Variants in XPR1 observed in about 807,000 individuals in gnomAD.
XPR1 encodes xenotropic and polytropic retrovirus receptor 1.
A neutral mutation model predicts 87.5 loss-of-function variants in XPR1; 28 were observed. That is an observed-to-expected ratio of 0.32 (90% confidence interval 0.24 to 0.44). XPR1 has a LOEUF of 0.44. Among genes scored for constraint, XPR1 ranks in the 20% least tolerant of loss-of-function variants. The pLI, the probability that XPR1 is intolerant of heterozygous loss-of-function variation, is 1.00. For missense variants in XPR1, 559 were observed against 862.3 expected, an observed-to-expected ratio of 0.65 and a Z score of 4.41; for synonymous variants, 300 against 306.1, an observed-to-expected ratio of 0.98 and a Z score of 0.21.
intron 2 of XPR1, among the ~76,000 whole-genome samples, chr1:180,731,463 T>C (rs1045831590): frequency 6.6e-6 from 1 of 152,202 alleles, no homozygotes; most frequent in African/African-American, 2.4e-5. Context: ...AGGAGGCCTA[T>C]GGTGCTGTGA....
At chr1:180,659,082 T>TCCTTCCTTCCTC (rs1655640396) in intron 1 of XPR1, among the ~76,000 whole-genome samples, 1 of 151,292 alleles carries the variant, frequency 6.6e-6, no homozygotes, top group Non-Finnish European at 1.5e-5. Context: ...CTTCCTTCCT[T>TCCTTCCTTCCTC]CCTTCCTTCC....
intron 1 of XPR1, among the ~76,000 whole-genome samples, chr1:180,662,283 C>T (rs925026702): frequency 8.6e-5 from 13 of 151,998 alleles, no homozygotes; most frequent in Non-Finnish European, 1.5e-5. Flanking sequence ...CTTTTATTTG[C>T]CCTGAAATAA....
chr1:180,710,878 C>T (rs1657750916), intron 2 of XPR1, among the ~76,000 whole-genome samples: 2 of 151,914 alleles, frequency 1.3e-5, no homozygotes, highest in African/African-American at 4.8e-5. Flanking sequence ...GTGGGGGCTG[C>T]CCCCCACCTC....
At chr1:180,792,130 A>C (rs1018753695) in intron 3 of XPR1, among the ~76,000 whole-genome samples, 1 of 152,204 alleles carries the variant, frequency 6.6e-6, no homozygotes, top group Non-Finnish European at 1.5e-5. Flanking sequence ...TCTCCCCAGA[A>C]GATTGTAGAC....
At chr1:180,691,868 T>C (rs1657005666) in intron 2 of XPR1, among the ~76,000 whole-genome samples, 1 of 152,184 alleles carries the variant, frequency 6.6e-6, no homozygotes, top group Non-Finnish European at 1.5e-5. Flanking sequence ...GTGAGCTTGC[T>C]TTTTAATTCT....
intron 2 of XPR1, among the ~76,000 whole-genome samples, chr1:180,775,637 C>A (rs1288715900): frequency 3.3e-5 from 5 of 151,986 alleles, no homozygotes; most frequent in Admixed American, 6.6e-5. Context: ...ATTTACTTAA[C>A]AAAATGACTT....
At chr1:180,855,239 T>C (rs1651990121) in intron 11 of XPR1, among the ~76,000 whole-genome samples, 1 of 152,212 alleles carries the variant, frequency 6.6e-6, no homozygotes, top group South Asian at 2.1e-4. Flanking sequence ...TGAAAGACAG[T>C]ATAAGCACAA....
chr1:180,757,506 C>CTTT (rs35380232), intron 2 of XPR1, among the ~76,000 whole-genome samples: 21 of 134,484 alleles, frequency 1.6e-4, no homozygotes, highest in East Asian at 1.3e-3. Context: ...GTTACTAGGC[C>CTTT]TTTTTTTTTT....
chr1:180,880,630 A>T (rs1376514122), intron 14 of XPR1, among the ~76,000 whole-genome samples: 1 of 152,220 alleles, frequency 6.6e-6, no homozygotes, highest in Non-Finnish European at 1.5e-5. Flanking sequence ...TATAAACTTT[A>T]GGAATCCTGC....
At chr1:180,754,401 T>C (rs1183648669) in intron 2 of XPR1, among the ~76,000 whole-genome samples, 1 of 152,164 alleles carries the variant, frequency 6.6e-6, no homozygotes, top group Non-Finnish European at 1.5e-5. Flanking sequence ...AAATATTTAA[T>C]ACAGAATGAT....
chr1:180,880,506 CA>C (rs1326232035), intron 14 of XPR1, among the ~76,000 whole-genome samples: 2 of 152,308 alleles, frequency 1.3e-5, no homozygotes, highest in East Asian at 3.9e-4. Context: ...GTCATCAGTG[CA>C]TAACCTAGTA....
At chr1:180,667,239 TG>T (rs1295146643) in intron 1 of XPR1, among the ~76,000 whole-genome samples, 1 of 152,208 alleles carries the variant, frequency 6.6e-6, no homozygotes, top group Non-Finnish European at 1.5e-5. Flanking sequence ...CCATTCATTG[TG>T]GGTTTTTCAG....
intron 7 of XPR1, among the ~76,000 whole-genome samples, chr1:180,823,057 T>G (rs1341129855): frequency 6.6e-6 from 1 of 152,034 alleles, no homozygotes; most frequent in Non-Finnish European, 1.5e-5. Context: ...CTGGCCAACA[T>G]GATGAAACCC....
chr1:180,748,968 GCAGGAGAATCA>G (rs1278922414), intron 2 of XPR1, among the ~76,000 whole-genome samples: 1 of 152,246 alleles, frequency 6.6e-6, no homozygotes, highest in Non-Finnish European at 1.5e-5. Context: ...GGAGTCCAAG[GCAGGAGAATCA>G]CTTGAGCTCA....
intron 3 of XPR1, among the ~76,000 whole-genome samples, chr1:180,789,464 C>T (rs1285893887): frequency 6.6e-6 from 1 of 152,140 alleles, no homozygotes; most frequent in Non-Finnish European, 1.5e-5. Context: ...TAGCTTTTTA[C>T]TCCCCTACTC....
chr1:180,792,822 C>CTG (rs1261352271), intron 3 of XPR1, among the ~76,000 whole-genome samples: 1 of 151,864 alleles, frequency 6.6e-6, no homozygotes, highest in Non-Finnish European at 1.5e-5. Flanking sequence ...AGTGATCCAA[C>CTG]TGATCACTTT....
intron 7 of XPR1, among the ~76,000 whole-genome samples, chr1:180,819,736 G>A (rs1457457591): frequency 6.6e-6 from 1 of 152,120 alleles, no homozygotes; most frequent in Non-Finnish European, 1.5e-5. Context: ...TATATGCCTA[G>A]GCCGGGCGCG....
intron 11 of XPR1, among the ~76,000 whole-genome samples, chr1:180,854,455 A>G (rs1268203056): frequency 1.3e-5 from 2 of 152,248 alleles, no homozygotes; most frequent in Non-Finnish European, 2.9e-5. Context: ...GGCAGTTAAC[A>G]TTAAAGTGAA....
intron 2 of XPR1, among the ~76,000 whole-genome samples, chr1:180,719,776 T>G (rs969724906): frequency 6.6e-6 from 1 of 152,300 alleles, no homozygotes; most frequent in Admixed American, 6.5e-5. Flanking sequence ...TTAGCTGTAA[T>G]GTAGAGAAAA....
Sources: gnomAD v4.1 joint callset for allele counts (sites outside exome capture counted in the v4.1 genomes callset) on GRCh38, gnomAD v4.1.1 for gene constraint, MANE v1.5 for transcripts, NCBI Gene and HGNC (gene_info 2026-07-23, HGNC 2026-07-21) for gene names.